KCNH1: variants seen among roughly 807,000 people sequenced by gnomAD.
KCNH1 encodes voltage-gated delayed rectifier potassium channel KCNH1.
Under a neutral mutation model 69.2 loss-of-function variants are expected in KCNH1, and 27 were observed. That is an observed-to-expected ratio of 0.39 (90% CI 0.29 to 0.54). The LOEUF is 0.54. Ranked by LOEUF, KCNH1 falls within the 20% of genes least tolerant of loss-of-function variation. The pLI, the probability that KCNH1 is intolerant of heterozygous loss-of-function variation, is 0.68. For missense variants in KCNH1, 798 were observed against 1,261.6 expected (o/e 0.63, Z 5.57); for synonymous variants, 456 against 487.7 (o/e 0.93, Z 0.86).
intron 6 of KCNH1, among the ~76,000 whole-genome samples, chr1:210,940,507 C>G (rs756170353): frequency 6.6e-6 from 1 of 152,198 alleles, no homozygotes; most frequent in Non-Finnish European, 1.5e-5. Flanking sequence ...TAGCTTGCAA[C>G]CTTCCATTTG....
chr1:210,703,977 T>C (rs1426548374), intron 10 of KCNH1, among the ~76,000 whole-genome samples: 1 of 152,074 alleles, frequency 6.6e-6, no homozygotes, highest in Non-Finnish European at 1.5e-5. Context: ...TGCACCCCCA[T>C]AGGCCAAGTG....
chr1:210,701,571 C>T (rs1681782004), intron 10 of KCNH1, among the ~76,000 whole-genome samples: 1 of 152,078 alleles, frequency 6.6e-6, no homozygotes, highest in Admixed American at 6.5e-5. Flanking sequence ...TTGGACAAGC[C>T]TTCTTTTTGT....
intron 7 of KCNH1, among the ~76,000 whole-genome samples, chr1:210,904,433 C>G (rs990854528): frequency 6.6e-6 from 1 of 151,924 alleles, no homozygotes; most frequent in South Asian, 2.1e-4. Context: ...TTAATATACT[C>G]AGTGGAAGGT....
At chr1:211,094,712 A>C (rs1294699170) in intron 3 of KCNH1, among the ~76,000 whole-genome samples, 3 of 152,216 alleles carry the variant, frequency 2.0e-5, no homozygotes, top group African/African-American at 7.2e-5. Context: ...AATTTAAAAA[A>C]ATAAATCCTA....
At chr1:210,946,909 G>C (rs1051207645) in intron 6 of KCNH1, among the ~76,000 whole-genome samples, 19 of 151,980 alleles carry the variant, frequency 1.3e-4, no homozygotes, top group Admixed American at 3.9e-4. Context: ...ACTCTTCCTT[G>C]ACATCTCAGC....
intron 9 of KCNH1, among the ~76,000 whole-genome samples, chr1:210,781,534 G>C (rs1304533469): frequency 6.6e-6 from 1 of 152,024 alleles, no homozygotes; most frequent in Non-Finnish European, 1.5e-5. Context: ...CCTCTCTCCT[G>C]GCCCTAGAAA....
intron 7 of KCNH1, among the ~76,000 whole-genome samples, chr1:210,813,436 G>C (rs910670895): frequency 4.6e-5 from 7 of 152,208 alleles, no homozygotes; most frequent in African/African-American, 1.7e-4. Flanking sequence ...ATGAGGAGGG[G>C]CTGAAGAGTA....
At chr1:210,789,905 TTC>T (rs1304104888) in intron 9 of KCNH1, among the ~76,000 whole-genome samples, 2 of 152,226 alleles carry the variant, frequency 1.3e-5, no homozygotes, top group Non-Finnish European at 2.9e-5. Context: ...ATACTCCCAT[TTC>T]TTTCTCTTTT....
chr1:211,019,334 T>G (rs1689548255), intron 5 of KCNH1, 78 bp from the exon 6 acceptor site: 1 of 879,408 alleles, frequency 1.1e-6, no homozygotes, highest in South Asian at 1.6e-5. Context: ...CATCAGTGAT[T>G]GACAAATGGT....
chr1:210,827,485 A>G (rs538239818), intron 7 of KCNH1, among the ~76,000 whole-genome samples: 3 of 152,250 alleles, frequency 2.0e-5, no homozygotes, highest in African/African-American at 7.2e-5. Context: ...AAGATCAAAG[A>G]TGACTAAGAC....
intron 9 of KCNH1, among the ~76,000 whole-genome samples, chr1:210,779,700 A>G (rs1683937254): frequency 6.6e-6 from 1 of 152,178 alleles, no homozygotes; most frequent in African/African-American, 2.4e-5. Flanking sequence ...CTAAAATACT[A>G]ACATTCTAAA....
chr1:210,803,929 A>C (rs1030924528), intron 8 of KCNH1, 38 bp downstream of exon 8: 8 of 1,582,464 alleles, frequency 5.1e-6, no homozygotes, highest in Non-Finnish European at 6.9e-6. Flanking sequence ...GGGAAACCAA[A>C]AGACAAATGG....
chr1:210,736,547 T>G (rs2358113), intron 10 of KCNH1, among the ~76,000 whole-genome samples: 3 of 148,518 alleles, frequency 2.0e-5, no homozygotes, highest in African/African-American at 4.9e-5. Context: ...CCATCCCCCC[T>G]CCAAAAAAAA....
chr1:210,998,065 G>T (rs1372624932), intron 6 of KCNH1, among the ~76,000 whole-genome samples: 3 of 152,140 alleles, frequency 2.0e-5, no homozygotes, highest in African/African-American at 7.2e-5. Context: ...AACATGCCAA[G>T]TTGTAAAGAC....
At chr1:210,724,754 G>A (rs541194921) in intron 10 of KCNH1, among the ~76,000 whole-genome samples, 1 of 152,062 alleles carries the variant, frequency 6.6e-6, no homozygotes, top group South Asian at 2.1e-4. Flanking sequence ...TGAGAATACC[G>A]ACTCACAAAG....
intron 10 of KCNH1, among the ~76,000 whole-genome samples, chr1:210,768,792 G>A (rs151317010): frequency 5.8e-4 from 88 of 152,164 alleles, no homozygotes; most frequent in African/African-American, 2.1e-3. Flanking sequence ...AATGAAGCAT[G>A]GAGCACTTTT....
intron 7 of KCNH1, among the ~76,000 whole-genome samples, chr1:210,878,336 A>G (rs962171593): frequency 1.3e-5 from 2 of 152,124 alleles, no homozygotes; most frequent in African/African-American, 4.8e-5. Flanking sequence ...CAAGAACAGC[A>G]GAATACACAT....
intron 6 of KCNH1, among the ~76,000 whole-genome samples, chr1:210,950,094 TCTCTG>T (rs900118871): frequency 1.3e-5 from 2 of 152,220 alleles, no homozygotes; most frequent in African/African-American, 4.8e-5. Flanking sequence ...CCTTCATTCT[TCTCTG>T]AACACCAGGT....
intron 6 of KCNH1, among the ~76,000 whole-genome samples, chr1:211,003,580 C>G (rs1501551): frequency 2.6e-5 from 4 of 151,630 alleles, no homozygotes; most frequent in African/African-American, 9.7e-5. Context: ...CTATTATCTA[C>G]GAGGTCTGAC....
Sources: allele counts gnomAD v4.1 joint callset (sites outside exome capture counted in the v4.1 genomes callset), GRCh38; gene constraint gnomAD v4.1.1; transcripts MANE v1.5; gene names NCBI Gene and HGNC (gene_info 2026-07-23, HGNC 2026-07-21).